Variants in SYNE3 observed in about 807,000 individuals in gnomAD.
SYNE3 encodes the protein spectrin repeat containing nuclear envelope family member 3, also known as nesprin-3.
In SYNE3, 100 loss-of-function variants were observed where a neutral mutation model predicts 111.2. The ratio of observed to expected loss-of-function variants is 0.90; its 90% CI spans 0.77 to 1.06. The LOEUF (loss-of-function observed/expected upper bound fraction) is 1.06, where lower values mean the gene tolerates loss of function less well. Ranked by LOEUF, SYNE3 falls within the 50% of genes least tolerant of loss-of-function variation. The pLI is 0.00. For synonymous variants in SYNE3, 547 were observed against 533.9 expected (o/e 1.02, Z -0.34); for missense variants, 1,160 against 1,240.3 (o/e 0.94, Z 0.97).
intron 1 of SYNE3, among the ~76,000 whole-genome samples, chr14:95,503,605 A>G (rs1023845552): frequency 6.8e-6 from 1 of 146,686 alleles, no homozygotes; most frequent in East Asian, 2.0e-4. Context: ...TTGTTTCAGA[A>G]CTACCTTTTT....
Position 95,409,325 on chromosome 14 carries a change from G to C in SYNE3, c.*8501C>G, listed in dbSNP as rs916424799. The C allele has an allele frequency of 4.4e-6, 2 of 456,578 alleles. No individual in the cohort carries two copies. Among genetic ancestry groups the C allele is most frequent in the Admixed American group, 4.7e-5 (2 of 42,566 alleles). 28.3% of individuals were successfully genotyped at this position (456,578 alleles called of 1,614,324 possible). ...TGTCATGACCATATTGCAGGCGCTC[G>C]GGGTATGTTTTCTTCCCTCCCTTTC... On this transcript the variant is annotated 3_prime_UTR_variant, in exon 18 of 18. Transcript: ENST00000682763.
At chr14:95,465,200 G>C (rs1210565152) in intron 4 of SYNE3, among the ~76,000 whole-genome samples, 1 of 152,110 alleles carries the variant, frequency 6.6e-6, no homozygotes, top group African/African-American at 2.4e-5. Context: ...GGGGAGGAGG[G>C]AGAGAGGAAG....
intron 1 of SYNE3, among the ~76,000 whole-genome samples, chr14:95,489,780 C>G (rs1889751449): frequency 6.6e-6 from 1 of 152,000 alleles, no homozygotes; most frequent in East Asian, 1.9e-4. Flanking sequence ...AAGTGTGGAG[C>G]CAGGATGGAC....
intron 2 of SYNE3, among the ~76,000 whole-genome samples, chr14:95,474,690 A>G (rs889913922): frequency 6.6e-6 from 1 of 152,210 alleles, no homozygotes; most frequent in Admixed American, 6.5e-5. Flanking sequence ...GTTAATTCCC[A>G]CGGTCCACTT....
intron 1 of SYNE3, among the ~76,000 whole-genome samples, chr14:95,481,134 A>AT (rs1324506241): frequency 2.0e-5 from 3 of 152,226 alleles, no homozygotes. Flanking sequence ...CTAGATAAGA[A>AT]TGCGCAGACT....
chr14:95,429,649 T>A (rs117289145), intron 17 of SYNE3, among the ~76,000 whole-genome samples: 5 of 152,260 alleles, frequency 3.3e-5, no homozygotes, highest in Admixed American at 2.0e-4. Flanking sequence ...AAAGTCAGAT[T>A]TTTACACATC....
intron 7 of SYNE3, chr14:95,452,024 G>GATAAATGCAAAGT: frequency 2.3e-6 from 1 of 435,306 alleles, no homozygotes; most frequent in Non-Finnish European, 3.9e-6. Context: ...CACTAGCCTG[G>GATAAATGCAAAGT]ATAAATGCAA....
intron 4 of SYNE3, among the ~76,000 whole-genome samples, chr14:95,461,914 C>T (rs1047935077): frequency 6.6e-6 from 1 of 152,232 alleles, no homozygotes; most frequent in Non-Finnish European, 1.5e-5. Flanking sequence ...AGGCTAGAAT[C>T]TTCCCCCTTT....
intron 11 of SYNE3, 115 bp downstream of exon 11, chr14:95,443,040 A>G (rs914207943): frequency 7.5e-7 from 1 of 1,340,850 alleles, no homozygotes; most frequent in Non-Finnish European, 1.0e-6. Context: ...AGGGAGAAAG[A>G]AAAAAGAGAG....
At chr14:95,480,388 G>A (rs372431289) in intron 1 of SYNE3, among the ~76,000 whole-genome samples, 1 of 146,922 alleles carries the variant, frequency 6.8e-6, no homozygotes, top group African/African-American at 2.4e-5. Context: ...CAGCGGAAGA[G>A]AAGTGATTTT....
rs1890951455 is a variant in SYNE3 at position 95,516,641 on chromosome 14, G to C, written c.-60C>G. On this transcript the variant is annotated 5_prime_UTR_variant, in exon 1 of 18. Transcript: ENST00000682763. ...CGCGGCGCCGCGGGTAGCTGGGGCCGAGCCTCCTTCCCTCCTCCCTGCGTC... is the reference window on the plus strand; with the variant it reads ...CGCGGCGCCGCGGGTAGCTGGGGCCCAGCCTCCTTCCCTCCTCCCTGCGTC... Among the ~76,000 whole-genome samples the C allele has an allele frequency of 6.6e-6, 1 of 150,882 alleles. No individual in the cohort carries two copies. The highest frequency in any genetic ancestry group is 6.6e-5 in the Admixed American group (1 of 15,168).
chr14:95,502,502 C>T (rs1000087195), intron 1 of SYNE3, among the ~76,000 whole-genome samples: 4 of 152,104 alleles, frequency 2.6e-5, no homozygotes, highest in Admixed American at 2.0e-4. Context: ...CACTGTCTTC[C>T]TTATCTGAGC....
At chr14:95,476,225 T>C (rs1269305304) in intron 1 of SYNE3, among the ~76,000 whole-genome samples, 1 of 152,228 alleles carries the variant, frequency 6.6e-6, no homozygotes, top group African/African-American at 2.4e-5. Context: ...TTGATTTGAA[T>C]GGATCAAAGA....
chr14:95,457,190 A>G lies in SYNE3; in HGVS notation c.776T>C (p.Leu259Pro). The stretch of plus-strand genomic sequence containing the variant: ...GCTGGGGATTACCTGCAGTGTGGAG[A>G]GGCGCTGCGTGATGGGCAGCTTGCA... ...RNCKLPITQR[L>P]STLQDIAKDF... Residue 259 changes from leucine to proline, a missense_variant, in exon 5 of 18, where the codon CTC (leucine) becomes CCC (proline). Transcript: ENST00000682763. The G allele has an allele frequency of 6.2e-7, 1 of 1,613,344 alleles. No individual in the cohort carries two copies. The highest frequency in any genetic ancestry group is 8.5e-7 in the Non-Finnish European group (1 of 1,179,812).
intron 1 of SYNE3, among the ~76,000 whole-genome samples, chr14:95,499,965 T>G (rs1890271489): frequency 7.0e-6 from 1 of 143,818 alleles, no homozygotes; most frequent in African/African-American, 2.5e-5. Context: ...GTTCAAGCAA[T>G]TCTCCTGCCT....
Position 95,417,738 on chromosome 14 carries a change from G to A in SYNE3, c.*88C>T, listed in dbSNP as rs1903626272. 7.0e-7 allele frequency: 1 copy of A among 1,421,762 alleles called. No individual in the cohort carries two copies. The highest frequency in any genetic ancestry group is 1.4e-5 in the African/African-American group (1 of 71,076). The allele number at this position is 1,421,762 out of a possible 1,614,324, so 88.1% of individuals were successfully genotyped here. On this transcript the variant is annotated 3_prime_UTR_variant, in exon 18 of 18. Transcript: ENST00000682763. ...GCTCTGCAGTCTTTGCCCTGCCCCTGTTTCCAGTTTCCCTGGCGAGCATCC... is the reference window on the plus strand; with the variant it reads ...GCTCTGCAGTCTTTGCCCTGCCCCTATTTCCAGTTTCCCTGGCGAGCATCC...
chr14:95,495,671 C>T (rs184398801), intron 1 of SYNE3, among the ~76,000 whole-genome samples: 4 of 152,326 alleles, frequency 2.6e-5, no homozygotes, highest in African/African-American at 9.6e-5. Context: ...CAAGGCCAGG[C>T]CTGCATGGCT....
chr14:95,457,881 C>T (rs1887565083), intron 4 of SYNE3, among the ~76,000 whole-genome samples: 1 of 152,128 alleles, frequency 6.6e-6, no homozygotes, highest in African/African-American at 2.4e-5. Flanking sequence ...TCAATCCGAG[C>T]TGGGTTGAAT....
rs1889720607 is a variant in SYNE3, at chr14:95,489,328, ACAACTCATG to A, written c.-14-13502_-14-13494del. Reference sequence around the variant, plus strand: ...CCTGTGTAGGGCCTGGAATTTCTGAACAACTCATGCAGCTGCCAGGGGTTCTCCTGGAAT... The same window carrying A: ...CCTGTGTAGGGCCTGGAATTTCTGAACAGCTGCCAGGGGTTCTCCTGGAAT... On this transcript the variant is annotated intron_variant, in intron 1 of 17. Coordinates refer to ENST00000682763, the MANE Select transcript of SYNE3 (RefSeq NM_152592.6). Among the ~76,000 whole-genome samples the A allele has an allele frequency of 3.3e-5, 5 of 152,240 alleles. No homozygotes were observed. The South Asian group carries it at 1.0e-3, about 31-fold the overall frequency.
Sources: allele counts gnomAD v4.1 joint callset (sites outside exome capture counted in the v4.1 genomes callset), GRCh38; gene constraint gnomAD v4.1.1; transcripts MANE v1.5; gene names NCBI Gene and HGNC (gene_info 2026-07-23, HGNC 2026-07-21).